Variants in CNBD1 observed in about 807,000 individuals in gnomAD.
CNBD1 encodes the protein cyclic nucleotide binding domain containing 1, also known as cyclic nucleotide-binding domain-containing protein 1.
In CNBD1, 71 loss-of-function variants were observed where a neutral mutation model predicts 54.4. The ratio of observed to expected loss-of-function variants is 1.30; its 90% CI spans 1.08 to 1.59. CNBD1 has a LOEUF of 1.59. CNBD1 is among the 40% of genes most tolerant of loss of function. CNBD1 has a pLI of 0.00. For synonymous variants in CNBD1, 182 were observed against 170.7 expected, an observed-to-expected ratio of 1.07 and a Z score of -0.51; for missense variants, 659 against 518.0, an observed-to-expected ratio of 1.27 and a Z score of -2.64.
intron 8 of CNBD1, among the ~76,000 whole-genome samples, chr8:87,330,965 A>C (rs963266645): frequency 7.9e-5 from 12 of 152,186 alleles, no homozygotes; most frequent in Non-Finnish European, 1.5e-4. Flanking sequence ...TCTGTCTTTT[A>C]ATTGGTGCAT....
intron 4 of CNBD1, among the ~76,000 whole-genome samples, chr8:87,055,849 CTCCCTCCCTCCCTCCT>C (rs1810403896): frequency 1.4e-5 from 2 of 145,044 alleles, no homozygotes; most frequent in African/African-American, 5.1e-5. Context: ...TCCTTCCTTC[CTCCCTCCCTCCCTCCT>C]TCCCTCCCTG....
chr8:87,260,725 GA>G (rs1484345318), intron 6 of CNBD1, among the ~76,000 whole-genome samples: 1 of 151,876 alleles, frequency 6.6e-6, no homozygotes, highest in Non-Finnish European at 1.5e-5. Context: ...CCACAACACA[GA>G]AGAAAATCTT....
intron 6 of CNBD1, among the ~76,000 whole-genome samples, chr8:87,240,675 G>A (rs1586356357): frequency 6.6e-6 from 1 of 152,086 alleles, no homozygotes; most frequent in African/African-American, 2.4e-5. Flanking sequence ...CACTAGCTTG[G>A]TTTTCTGGCT....
chr8:87,340,267 A>G (rs1426250458), intron 8 of CNBD1, among the ~76,000 whole-genome samples: 1 of 152,174 alleles, frequency 6.6e-6, no homozygotes, highest in Admixed American at 6.5e-5. Context: ...GTTTCCTAGT[A>G]GGTGATAATT....
intron 4 of CNBD1, among the ~76,000 whole-genome samples, chr8:87,017,778 TA>T (rs533300396): frequency 4.5e-4 from 69 of 152,292 alleles, no homozygotes; most frequent in Non-Finnish European, 9.1e-4. Flanking sequence ...TATGTTTTTA[TA>T]GGCAAATTTC....
chr8:87,164,105 T>C (rs1259880593), intron 4 of CNBD1, among the ~76,000 whole-genome samples: 1 of 152,018 alleles, frequency 6.6e-6, no homozygotes, highest in African/African-American at 2.4e-5. Context: ...CATTGTTGAT[T>C]TGCATATATT....
chr8:87,097,170 C>G (rs1391045513), intron 4 of CNBD1, among the ~76,000 whole-genome samples: 2 of 152,194 alleles, frequency 1.3e-5, no homozygotes, highest in East Asian at 3.8e-4. Context: ...TCTTGTATAT[C>G]TAAACCACTT....
intron 6 of CNBD1, among the ~76,000 whole-genome samples, chr8:87,280,052 A>C (rs973397828): frequency 2.0e-5 from 3 of 151,598 alleles, no homozygotes; most frequent in African/African-American, 7.2e-5. Context: ...GAAAATTTCT[A>C]TTTAAGCATA....
chr8:87,014,938 G>A (rs1333808853), intron 4 of CNBD1, among the ~76,000 whole-genome samples: 2 of 152,000 alleles, frequency 1.3e-5, no homozygotes, highest in Admixed American at 1.3e-4. Flanking sequence ...TAAAATAACT[G>A]CGTTGTTCAA....
intron 4 of CNBD1, among the ~76,000 whole-genome samples, chr8:86,994,101 C>A (rs1223046652): frequency 6.6e-6 from 1 of 152,218 alleles, no homozygotes; most frequent in African/African-American, 2.4e-5. Flanking sequence ...AGTACTCTGA[C>A]AGTGGAGGCT....
intron 2 of CNBD1, among the ~76,000 whole-genome samples, chr8:87,421,299 GT>G (rs1319424727): frequency 6.7e-6 from 1 of 149,750 alleles, no homozygotes; most frequent in Non-Finnish European, 1.5e-5. Flanking sequence ...TATACTTTAA[GT>G]TTTAGGGTAC....
chr8:87,130,966 T>C (rs994395437), intron 4 of CNBD1, among the ~76,000 whole-genome samples: 5 of 152,096 alleles, frequency 3.3e-5, no homozygotes, highest in Non-Finnish European at 7.4e-5. Context: ...GAAATGTTCT[T>C]CCTTTGCCTT....
intron 8 of CNBD1, among the ~76,000 whole-genome samples, chr8:87,300,729 C>G (rs1808971259): frequency 6.6e-6 from 1 of 151,934 alleles, no homozygotes; most frequent in Non-Finnish European, 1.5e-5. Context: ...CACACACATT[C>G]TATTTCCAAT....
At position 87,322,077 on chromosome 8, in the gene CNBD1, G is replaced by A. The variant is rs529553190; in HGVS notation, c.1043-29608G>A. On this transcript the variant is annotated intron_variant, in intron 8 of 10. Transcript: ENST00000518476. Reference sequence around the variant, plus strand: ...TGTTTGGTTTTTTGTTCTTGCGATAGTTTACTGAGAATGATGATTTCCAGT... The same window carrying A: ...TGTTTGGTTTTTTGTTCTTGCGATAATTTACTGAGAATGATGATTTCCAGT... Among the ~76,000 whole-genome samples the A allele has an allele frequency of 5.8e-3, 753 of 130,642 alleles. 18 individuals carry two copies. The highest frequency in any genetic ancestry group is 0.043 in the South Asian group (187 of 4,320). The allele number at this position is 130,642 out of a possible 152,430, so 85.7% of individuals were successfully genotyped here.
At chr8:87,169,125 G>A (rs571891278) in intron 4 of CNBD1, among the ~76,000 whole-genome samples, 4 of 152,068 alleles carry the variant, frequency 2.6e-5, no homozygotes, top group African/African-American at 9.6e-5. Flanking sequence ...ATTTTAACTG[G>A]GGTGAGGTGA....
chr8:87,278,789 A>G (rs1019640988), intron 6 of CNBD1, among the ~76,000 whole-genome samples: 1 of 151,496 alleles, frequency 6.6e-6, no homozygotes, highest in African/African-American at 2.4e-5. Flanking sequence ...GTATAAATCA[A>G]TATTATTCCT....
chr8:86,902,220 T>A (rs1457673779), intron 2 of CNBD1, among the ~76,000 whole-genome samples: 1 of 152,168 alleles, frequency 6.6e-6, no homozygotes, highest in East Asian at 1.9e-4. Context: ...ACCTCCCTTG[T>A]AGTTAGAGAG....
intron 4 of CNBD1, among the ~76,000 whole-genome samples, chr8:87,176,302 A>T (rs1310738638): frequency 1.3e-5 from 2 of 152,050 alleles, no homozygotes; most frequent in African/African-American, 4.8e-5. Context: ...CCCCCTCTGT[A>T]TATCTTTATT....
At chr8:86,904,765 G>A (rs925807272) in intron 2 of CNBD1, among the ~76,000 whole-genome samples, 19 of 152,026 alleles carry the variant, frequency 1.2e-4, no homozygotes, top group African/African-American at 4.3e-4. Context: ...ATTTCAGGGG[G>A]ATTTTAATTC....
Sources: gnomAD v4.1 joint callset for allele counts (sites outside exome capture counted in the v4.1 genomes callset) on GRCh38, gnomAD v4.1.1 for gene constraint, MANE v1.5 for transcripts, NCBI Gene and HGNC (gene_info 2026-07-23, HGNC 2026-07-21) for gene names.